Variants in SDC3 observed in about 807,000 individuals in gnomAD.
The protein encoded by SDC3 is syndecan 3.
In SDC3, 13 loss-of-function variants were observed where a neutral mutation model predicts 24.4. That is an observed-to-expected ratio of 0.53 (90% CI 0.35 to 0.85). The LOEUF (loss-of-function observed/expected upper bound fraction) is 0.85. SDC3 is among the 40% of genes least tolerant of loss of function. The pLI, the probability that SDC3 is intolerant of heterozygous loss-of-function variation, is 0.01. For synonymous variants in SDC3, 295 were observed against 260.9 expected (o/e 1.13, Z -1.26); for missense variants, 571 against 584.5 (o/e 0.98, Z 0.24).
rs574311350 is a variant in SDC3 at position 30,881,123 on chromosome 1, A to G, written c.139-2383T>C. 2.0e-5 allele frequency among the ~76,000 whole-genome samples: 3 copies of G among 151,342 alleles called. No individual in the cohort carries two copies. The South Asian group carries it at 6.3e-4, about 32-fold the overall frequency. On this transcript the variant is annotated intron_variant, in intron 1 of 4. Transcript: ENST00000339394. ...TATGCACCCCAATGGATACACACAC[A>G]CACTATTAAGTGCAATGTTTGCCCA... is the stretch of plus-strand genomic sequence containing the variant.
In SDC3 at chr1:30,892,115, T is replaced by TC. The variant is rs1313642408; in HGVS notation, c.139-13376dup. On this transcript the variant is annotated intron_variant, in intron 1 of 4. Coordinates refer to ENST00000339394, the MANE Select transcript of SDC3 (RefSeq NM_014654.4). ...TCCACACAGCTACAGGCTCTTCCTCTCCCCCACTGAGCTCAGAGTCCAAAC... is the reference window on the plus strand; with the variant it reads ...TCCACACAGCTACAGGCTCTTCCTCTCCCCCCACTGAGCTCAGAGTCCAAAC... Among the ~76,000 whole-genome samples the TC allele has an allele frequency of 5.9e-5, 9 of 151,542 alleles. No individual in the cohort carries two copies. In the East Asian group the frequency reaches 1.8e-3, roughly 30 times the overall value.
chr1:30,877,535 G>A, intron 2 of SDC3: 1 of 482,482 alleles, frequency 2.1e-6, no homozygotes, highest in Admixed American at 3.4e-5. Flanking sequence ...TGGCATTCTG[G>A]GAAGAGTCAG....
Position 30,908,728 on chromosome 1 carries a change from G to T in SDC3, c.-142C>A, listed in dbSNP as rs1213329918. The T allele has an allele frequency of 1.1e-5, 2 of 181,698 alleles. No individual in the cohort carries two copies. Among genetic ancestry groups the T allele is most frequent in the Non-Finnish European group, 2.0e-5 (2 of 99,806 alleles). The allele number at this position is 181,698 out of a possible 1,614,324, so 11.3% of individuals were successfully genotyped here. A position where few individuals can be genotyped will look rare whatever the true frequency, so the allele number is the denominator to read the frequency against. The stretch of plus-strand genomic sequence containing the variant: ...AGGCTCGCGGGCTCCCGGCTCGGCC[G>T]CCCGGCTCCGCCTCGCAGCTCCGCG... On this transcript the variant is annotated 5_prime_UTR_variant, in exon 1 of 5. Coordinates refer to ENST00000339394, the MANE Select transcript of SDC3 (RefSeq NM_014654.4).
chr1:30,899,193 T>G (rs762567819), intron 1 of SDC3, among the ~76,000 whole-genome samples: 2 of 152,156 alleles, frequency 1.3e-5, no homozygotes, highest in Non-Finnish European at 2.9e-5. Context: ...ATCAAGCAAT[T>G]CTCCTGCCTC....
In SDC3 at chr1:30,878,638, C is replaced by T. The variant is rs1639689508; in HGVS notation, c.241G>A (p.Gly81Arg). ...PDDELDDLYS[G>R]SGSGYFEQES... ...GGGTACTTACAGCCCGAGCCCGACC[C>T]CGAGTAGAGGTCATCCAGTTCATCA... is the stretch of plus-strand genomic sequence containing the variant. Residue 81 changes from glycine to arginine, a missense_variant, in exon 2 of 5, where the codon GGG (glycine) becomes AGG (arginine). By Grantham distance (125) the Gly-to-Arg change is moderately radical. This residue lies in a region of SDC3 where 497 missense variants were observed against 471.6 expected (regional missense o/e 1.05). Transcript: ENST00000339394. 3 of 1,613,704 alleles carry T rather than the reference C, an allele frequency of 1.9e-6. No homozygotes were observed. The highest frequency in any genetic ancestry group is 1.7e-5 in the Admixed American group (1 of 60,018).
chr1:30,906,170 G>A (rs1465757340), intron 1 of SDC3, among the ~76,000 whole-genome samples: 1 of 152,132 alleles, frequency 6.6e-6, no homozygotes, highest in African/African-American at 2.4e-5. Flanking sequence ...CGGCAACCAG[G>A]TACCACCCAT....
intron 4 of SDC3, among the ~76,000 whole-genome samples, chr1:30,873,786 T>C (rs1458685463): frequency 6.6e-6 from 1 of 152,072 alleles, no homozygotes; most frequent in Non-Finnish European, 1.5e-5. Flanking sequence ...AAGGGCAAAA[T>C]GACTATCCCC....
At position 30,870,989 on chromosome 1, in the gene SDC3, G is replaced by C. The variant is rs1446344160; in HGVS notation, c.*2222C>G. 1.3e-5 allele frequency: 2 copies of C among 152,378 alleles called. No homozygotes were observed. Among genetic ancestry groups the C allele is most frequent in the Non-Finnish European group, 2.9e-5 (2 of 68,206 alleles). The allele number at this position is 152,378 out of a possible 1,614,324, so 9.4% of individuals were successfully genotyped here. A position where few individuals can be genotyped will look rare whatever the true frequency, so the allele number is the denominator to read the frequency against. ...TGAGCCTTGTGGTCTGTGGCCCCAG[G>C]ACCCAGCCCTTCTGCTCCAAAGATG... On this transcript the variant is annotated 3_prime_UTR_variant, in exon 5 of 5. Coordinates refer to ENST00000339394, the MANE Select transcript of SDC3 (RefSeq NM_014654.4).
chr1:30,889,717 C>T (rs1053848239), intron 1 of SDC3, among the ~76,000 whole-genome samples: 7 of 152,124 alleles, frequency 4.6e-5, no homozygotes, highest in Admixed American at 1.3e-4. Context: ...TTGGCGAGGA[C>T]GTGGGGAAAT....
At chr1:30,878,248 G>T in intron 2 of SDC3, 1 of 169,188 alleles carries the variant, frequency 5.9e-6, no homozygotes, top group Non-Finnish European at 1.3e-5. Context: ...GCCATCCCAG[G>T]CACCACTTGA....
chr1:30,878,843 G>A (rs1005727425), intron 1 of SDC3, 103 bp from the exon 2 acceptor site: 6 of 837,718 alleles, frequency 7.2e-6, no homozygotes, highest in African/African-American at 3.3e-5. Context: ...TGACATCCAC[G>A]TGGGTGACAG....
At chr1:30,901,777 G>T in intron 1 of SDC3, among the ~76,000 whole-genome samples, 1 of 147,890 alleles carries the variant, frequency 6.8e-6, no homozygotes, top group Admixed American at 6.9e-5. Context: ...CCCAGAGAGG[G>T]ACAGAAAAAG....
intron 1 of SDC3, among the ~76,000 whole-genome samples, chr1:30,887,181 C>T (rs1225424726): frequency 6.6e-6 from 1 of 152,066 alleles, no homozygotes; most frequent in East Asian, 1.9e-4. Context: ...GGTAGGCACC[C>T]CCTGCCCCCA....
At chr1:30,894,145 G>C (rs960994720) in intron 1 of SDC3, among the ~76,000 whole-genome samples, 1 of 151,716 alleles carries the variant, frequency 6.6e-6, no homozygotes, top group Non-Finnish European at 1.5e-5. Flanking sequence ...GAGAGAGTGT[G>C]TGATTGTGAG....
chr1:30,894,830 T>TA (rs1639977732), intron 1 of SDC3, among the ~76,000 whole-genome samples: 3 of 151,928 alleles, frequency 2.0e-5, no homozygotes, highest in Admixed American at 2.0e-4. Context: ...TGCATCCATG[T>TA]GTGTATGCCT....
In SDC3 at chr1:30,900,079, G is replaced by A. The variant is rs1008964611; in HGVS notation, c.138+8370C>T. On this transcript the variant is annotated intron_variant, in intron 1 of 4. Coordinates refer to ENST00000339394, the MANE Select transcript of SDC3 (RefSeq NM_014654.4). ...TCTGATCGCCCTTTCTTTTCCCCAC[G>A]CTCTTGAACGAGCATCTCCATAAGC... Among the ~76,000 whole-genome samples the A allele has an allele frequency of 3.9e-5, 6 of 151,994 alleles. No individual in the cohort carries two copies. The East Asian group carries it at 5.8e-4, about 15-fold the overall frequency.
chr1:30,877,155 C>T lies in SDC3; in HGVS notation c.267G>A (p.Gln89=), dbSNP rs1639659663. 2 of 1,613,870 alleles carry T rather than the reference C, an allele frequency of 1.2e-6. No individual in the cohort carries two copies. Among genetic ancestry groups the T allele is most frequent in the Non-Finnish European group, 8.5e-7 (1 of 1,179,992 alleles). The change falls in exon 3 of 5, where the codon CAG becomes CAA. Residue 89 remains glutamine (Q), a synonymous_variant. Transcript: ENST00000339394. ...YSGSGSGYFE[Q]ESGIETAMRF... ...GCATGGCTGTCTCAATGCCCGACTC[C>T]TGCTCGAAGTCTGAGGGGGTGGGGG...
chr1:30,879,537 A>C (rs1160712585), intron 1 of SDC3, among the ~76,000 whole-genome samples: 2 of 152,086 alleles, frequency 1.3e-5, no homozygotes, highest in African/African-American at 2.4e-5. Flanking sequence ...AGAACTCCCC[A>C]TGGCACTCCC....
chr1:30,886,250 T>TA (rs935901728), intron 1 of SDC3, among the ~76,000 whole-genome samples: 2 of 152,166 alleles, frequency 1.3e-5, no homozygotes, highest in African/African-American at 4.8e-5. Context: ...GGTTAATCAG[T>TA]AAAACCAATG....
Sources: allele counts gnomAD v4.1 joint callset (sites outside exome capture counted in the v4.1 genomes callset), GRCh38; gene constraint gnomAD v4.1.1; regional missense constraint gnomAD v4.1.1; transcripts MANE v1.5; gene names NCBI Gene and HGNC (gene_info 2026-07-23, HGNC 2026-07-21).